PRELID2: variants seen among roughly 807,000 people sequenced by gnomAD.
PRELID2 encodes PRELI domain-containing protein 2.
A neutral mutation model predicts 28.4 loss-of-function variants in PRELID2; 25 were observed. That is an observed-to-expected ratio of 0.88 (90% CI 0.64 to 1.23). The LOEUF is 1.23. Ranked by LOEUF, PRELID2 falls within the 50% of genes most tolerant of loss-of-function variation. The probability of loss-of-function intolerance (pLI) is 0.00; values close to 1 mark genes in which losing one functional copy is unlikely to be tolerated. For missense variants in PRELID2, 201 were observed against 214.4 expected, an observed-to-expected ratio of 0.94 and a Z score of 0.39; for synonymous variants, 76 against 71.6, an observed-to-expected ratio of 1.06 and a Z score of -0.31.
At chr5:145,651,763 A>G (rs1754301970) in intron 1 of PRELID2, among the ~76,000 whole-genome samples, 1 of 152,214 alleles carries the variant, frequency 6.6e-6, no homozygotes, top group South Asian at 2.1e-4. Flanking sequence ...GCACGTCACC[A>G]TCATCAAAGA....
intron 5 of PRELID2, among the ~76,000 whole-genome samples, chr5:145,788,219 TC>T (rs1203754835): frequency 6.6e-6 from 1 of 152,232 alleles, no homozygotes; most frequent in African/African-American, 2.4e-5. Flanking sequence ...ACCACTATTT[TC>T]CTTCAGATCT....
At chr5:145,496,661 A>G (rs1265828083) in intron 1 of PRELID2, among the ~76,000 whole-genome samples, 4 of 152,070 alleles carry the variant, frequency 2.6e-5, no homozygotes, top group Admixed American at 2.6e-4. Flanking sequence ...AAGACTCTCC[A>G]TTGGTCTAGC....
At chr5:145,446,494 A>G in the PRELID2 span, among the ~76,000 whole-genome samples, 1 of 152,074 alleles carries the variant, frequency 6.6e-6, no homozygotes, top group Non-Finnish European at 1.5e-5. Flanking sequence ...AGTAGTAGAA[A>G]CCTTAAGAAT....
the PRELID2 span, among the ~76,000 whole-genome samples, chr5:145,375,892 T>C: frequency 1.3e-5 from 2 of 152,316 alleles, no homozygotes; most frequent in African/African-American, 4.8e-5. Context: ...CCCAGAGAGC[T>C]AATGTGTTAG....
the PRELID2 span, among the ~76,000 whole-genome samples, chr5:145,240,808 T>G: frequency 6.6e-6 from 1 of 152,022 alleles, no homozygotes; most frequent in African/African-American, 2.4e-5. Flanking sequence ...TTAGATGACA[T>G]ATAAAAAAAT....
chr5:145,497,094 C>A (rs1752316091), intron 1 of PRELID2, among the ~76,000 whole-genome samples: 1 of 152,082 alleles, frequency 6.6e-6, no homozygotes, highest in South Asian at 2.1e-4. Flanking sequence ...AAACTCCTGG[C>A]CTCAAGTGAT....
At chr5:145,589,740 G>T (rs895246581) in intron 1 of PRELID2, among the ~76,000 whole-genome samples, 1 of 151,898 alleles carries the variant, frequency 6.6e-6, no homozygotes, top group Admixed American at 6.6e-5. Context: ...TTCTTATACT[G>T]ATTTCATGTT....
intron 1 of PRELID2, among the ~76,000 whole-genome samples, chr5:145,644,603 T>C (rs74509247): frequency 1.3e-5 from 2 of 152,164 alleles, no homozygotes; most frequent in South Asian, 2.1e-4. Flanking sequence ...TTAATTTCGA[T>C]GTTAGGGCGT....
the PRELID2 span, among the ~76,000 whole-genome samples, chr5:145,253,716 T>C: frequency 6.6e-6 from 1 of 151,888 alleles, no homozygotes; most frequent in Non-Finnish European, 1.5e-5. Flanking sequence ...TGTCCCAAAC[T>C]AAGCCAGTTT....
chr5:145,754,972 T>TA (rs1369348461), downstream of PRELID2, among the ~76,000 whole-genome samples: 2 of 152,144 alleles, frequency 1.3e-5, no homozygotes, highest in Non-Finnish European at 2.9e-5. Flanking sequence ...CTACACTCAA[T>TA]AAGTGTAAAA....
the PRELID2 span, among the ~76,000 whole-genome samples, chr5:145,456,102 T>A: frequency 0.23 from 34,235 of 152,152 alleles, 4,129 homozygotes; most frequent in South Asian, 0.35. Context: ...TTACGAATGC[T>A]ACTAAAGGTG....
the PRELID2 span, among the ~76,000 whole-genome samples, chr5:145,465,456 C>T: frequency 6.6e-6 from 1 of 152,114 alleles, no homozygotes; most frequent in Non-Finnish European, 1.5e-5. Context: ...ATCTTTCTCT[C>T]TGGTCATAGT....
At chr5:145,749,914 T>G (rs1203169399) in intron 1 of PRELID2, among the ~76,000 whole-genome samples, 1 of 151,578 alleles carries the variant, frequency 6.6e-6, no homozygotes, top group East Asian at 1.9e-4. Context: ...AGTTGAACAA[T>G]GAGAACACAT....
chr5:145,504,983 C>G (rs775870367), intron 1 of PRELID2, among the ~76,000 whole-genome samples: 17 of 152,072 alleles, frequency 1.1e-4, no homozygotes, highest in Non-Finnish European at 2.2e-4. Flanking sequence ...CCCTAACTGG[C>G]CTCTGTCTTC....
the PRELID2 span, among the ~76,000 whole-genome samples, chr5:145,390,656 T>A: frequency 6.6e-6 from 1 of 152,100 alleles, no homozygotes; most frequent in Non-Finnish European, 1.5e-5. Context: ...CCTCTCAAAT[T>A]TCATGTCTTC....
the PRELID2 span, among the ~76,000 whole-genome samples, chr5:145,380,025 C>T: frequency 2.7e-4 from 41 of 152,236 alleles, no homozygotes; most frequent in Middle Eastern, 3.4e-3. Flanking sequence ...GCTAGGGGGA[C>T]GGCCCTTTCT....
the PRELID2 span, among the ~76,000 whole-genome samples, chr5:145,287,175 T>C: frequency 6.6e-6 from 1 of 152,182 alleles, no homozygotes; most frequent in East Asian, 1.9e-4. Context: ...TTCATTTCTA[T>C]GCAGCTTACA....
intron 1 of PRELID2, chr5:145,704,408 G>C (rs932626161): frequency 1.3e-5 from 2 of 152,060 alleles, no homozygotes; most frequent in Non-Finnish European, 2.9e-5. Context: ...GTGTTACTGG[G>C]GTGACTTCCC....
chr5:145,273,230 C>G, the PRELID2 span, among the ~76,000 whole-genome samples: 1 of 152,076 alleles, frequency 6.6e-6, no homozygotes, highest in Non-Finnish European at 1.5e-5. Context: ...AGGGGTTCTA[C>G]TATAAGAAGT....
Sources: allele counts gnomAD v4.1 joint callset (sites outside exome capture counted in the v4.1 genomes callset), GRCh38; gene constraint gnomAD v4.1.1; transcripts MANE v1.5; gene names NCBI Gene and HGNC (gene_info 2026-07-23, HGNC 2026-07-21).